Variants in TPD52 observed in about 807,000 individuals in gnomAD.
TPD52 encodes the protein tumor protein D52.
A neutral mutation model predicts 31.3 loss-of-function variants in TPD52; 17 were observed. The observed-to-expected ratio is 0.54, with a 90% confidence interval of 0.37 to 0.82. The LOEUF (loss-of-function observed/expected upper bound fraction) is 0.82, where lower values mean the gene tolerates loss of function less well. TPD52 is among the 40% of genes least tolerant of loss of function. The probability of loss-of-function intolerance (pLI) is 0.00; values close to 1 mark genes in which losing one functional copy is unlikely to be tolerated. For missense variants in TPD52, 212 were observed against 240.1 expected (o/e 0.88, Z 0.77); for synonymous variants, 83 against 89.6 (o/e 0.93, Z 0.42).
intron 1 of TPD52, among the ~76,000 whole-genome samples, chr8:80,148,991 A>C (rs1451281010): frequency 6.6e-6 from 1 of 152,182 alleles, no homozygotes; most frequent in African/African-American, 2.4e-5. Context: ...TAAAAAGCTT[A>C]AGTTATTTAC....
At chr8:80,158,465 C>A (rs966964841) in intron 1 of TPD52, 3 of 152,298 alleles carry the variant, frequency 2.0e-5, no homozygotes, top group African/African-American at 7.2e-5. Flanking sequence ...AAGACCCCAG[C>A]CAGCGTTGCT....
intron 1 of TPD52, among the ~76,000 whole-genome samples, chr8:80,140,761 T>C (rs1223609072): frequency 6.6e-6 from 1 of 152,212 alleles, no homozygotes; most frequent in Non-Finnish European, 1.5e-5. Flanking sequence ...CACCGCACTC[T>C]AGGAAACTAT....
chr8:80,093,174 G>GAAT (rs143097494), intron 1 of TPD52, among the ~76,000 whole-genome samples: 46 of 151,792 alleles, frequency 3.0e-4, no homozygotes, highest in East Asian at 2.5e-3. Context: ...TTCGACTCTG[G>GAAT]AATAATAATA....
intron 1 of TPD52, among the ~76,000 whole-genome samples, chr8:80,162,966 C>A (rs994879038): frequency 2.1e-5 from 3 of 146,308 alleles, no homozygotes; most frequent in Non-Finnish European, 4.5e-5. Context: ...ACAAAAAAAA[C>A]GGGAAATAAC....
chr8:80,080,247 C>T, intron 1 of TPD52: 1 of 1,483,354 alleles, frequency 6.7e-7, no homozygotes, highest in South Asian at 1.2e-5. Flanking sequence ...ATTTTAAAGC[C>T]AGGCAAACCC....
At chr8:80,166,909 AAAT>A (rs1481374906) in intron 1 of TPD52, among the ~76,000 whole-genome samples, 1 of 152,170 alleles carries the variant, frequency 6.6e-6, no homozygotes, top group African/African-American at 2.4e-5. Flanking sequence ...CTGTTAAAAA[AAAT>A]AATAATAAAA....
chr8:80,153,901 A>G (rs1211317648), intron 1 of TPD52, among the ~76,000 whole-genome samples: 2 of 152,222 alleles, frequency 1.3e-5, no homozygotes, highest in East Asian at 3.8e-4. Flanking sequence ...ATCACTGTCA[A>G]ATAAAATACC....
intron 1 of TPD52, among the ~76,000 whole-genome samples, chr8:80,157,837 T>C (rs62516129): frequency 0.019 from 2,848 of 152,314 alleles, 44 homozygotes; most frequent in Middle Eastern, 0.034. Flanking sequence ...AAGTGAATTA[T>C]TGCTTACAGA....
intron 1 of TPD52, among the ~76,000 whole-genome samples, chr8:80,082,793 C>T (rs76440575): frequency 1.4e-4 from 22 of 152,330 alleles, no homozygotes; most frequent in East Asian, 1.2e-3. Flanking sequence ...GAAGGTTTGG[C>T]TCCTAATCAA....
intron 1 of TPD52, among the ~76,000 whole-genome samples, chr8:80,160,994 A>G (rs1811323779): frequency 6.6e-6 from 1 of 151,868 alleles, no homozygotes; most frequent in Non-Finnish European, 1.5e-5. Flanking sequence ...CCTGGGAGGC[A>G]GAAGTTGCAG....
At chr8:80,070,187 T>G (rs1009919092) in intron 1 of TPD52, among the ~76,000 whole-genome samples, 2 of 152,116 alleles carry the variant, frequency 1.3e-5, no homozygotes, top group Non-Finnish European at 2.9e-5. Context: ...CGCCTCTCTC[T>G]GCTTGGGTGC....
rs1364679410 is a variant in TPD52 at position 80,037,853 on chromosome 8, G to C, written c.*263C>G. On this transcript the variant is annotated 3_prime_UTR_variant, in exon 8 of 8. Transcript: ENST00000518937. Reference sequence around the variant, plus strand: ...ATCTGTAGCTTCTTAGATCATTATAGTGAATGTCCCCATTTACTATAAGTG... The same window carrying C: ...ATCTGTAGCTTCTTAGATCATTATACTGAATGTCCCCATTTACTATAAGTG... 1.5e-5 allele frequency: 5 copies of C among 327,322 alleles called. No homozygotes were observed. Among genetic ancestry groups the C allele is most frequent in the Non-Finnish European group, 2.2e-5 (4 of 180,210 alleles). The allele number at this position is 327,322 out of a possible 1,614,324, so 20.3% of individuals were successfully genotyped here. A position where few individuals can be genotyped will look rare whatever the true frequency, so the allele number is the denominator to read the frequency against.
chr8:80,154,901 A>T (rs911862038), intron 1 of TPD52, among the ~76,000 whole-genome samples: 1 of 152,020 alleles, frequency 6.6e-6, no homozygotes, highest in Non-Finnish European at 1.5e-5. Flanking sequence ...GTATATGATG[A>T]TCTGTGATGA....
chr8:80,037,936 C>A lies in TPD52; in HGVS notation c.*180G>T. 1.4e-6 allele frequency: 1 copy of A among 737,540 alleles called. No individual in the cohort carries two copies. The allele number at this position is 737,540 out of a possible 1,614,324, so 45.7% of individuals were successfully genotyped here. On this transcript the variant is annotated 3_prime_UTR_variant, in exon 8 of 8. Transcript: ENST00000518937. The stretch of plus-strand genomic sequence containing the variant: ...ATAAATGTACACTAAAGGGTGTTTC[C>A]CAAGAATAGAGGTGAAGATATTTTC...
At chr8:80,080,216 TG>T in intron 1 of TPD52, 1 of 1,063,458 alleles carries the variant, frequency 9.4e-7, no homozygotes, top group Non-Finnish European at 1.4e-6. Flanking sequence ...AACACCACCC[TG>T]GTACATCTTT....
chr8:80,080,217 G>T, intron 1 of TPD52: 1 of 1,074,056 alleles, frequency 9.3e-7, no homozygotes, highest in East Asian at 2.5e-5. Context: ...ACACCACCCT[G>T]GTACATCTTT....
At chr8:80,126,477 T>C (rs1489485523) in intron 1 of TPD52, among the ~76,000 whole-genome samples, 1 of 134,898 alleles carries the variant, frequency 7.4e-6, no homozygotes, top group Non-Finnish European at 1.6e-5. Context: ...TAAAAGTTTA[T>C]AATTTTTTTT....
At chr8:80,124,787 G>C (rs111372349) in intron 1 of TPD52, among the ~76,000 whole-genome samples, 384 of 151,984 alleles carry the variant, frequency 2.5e-3, no homozygotes, top group African/African-American at 8.9e-3. Flanking sequence ...TCTGATCCCA[G>C]GACCATTTGA....
Position 80,051,539 on chromosome 8 carries a change from A to G in TPD52, c.374T>C (p.Leu125Pro). 6.2e-7 allele frequency: 1 copy of G among 1,613,790 alleles called. No homozygotes were observed. Among genetic ancestry groups the G allele is most frequent in the Non-Finnish European group, 8.5e-7 (1 of 1,179,748 alleles). The change falls in exon 4 of 8, where the codon CTG becomes CCG. Residue 125 changes from leucine (L) to proline (P), a missense_variant. By Grantham distance (98) the Leu-to-Pro change is moderately conservative. Coordinates refer to ENST00000518937, the MANE Select transcript of TPD52 (RefSeq NM_001025253.3). ...AATGAGGACATACTTTACATCTTCCAGCTTTTTGGTGATGACTGAGCCAAC... is the reference window on the plus strand; with the variant it reads ...AATGAGGACATACTTTACATCTTCCGGCTTTTTGGTGATGACTGAGCCAAC... ...SSVGSVITKK[L>P]EDVKLQAFSH... is the part of the protein sequence containing the mutation.
Sources: gnomAD v4.1 joint callset for allele counts (sites outside exome capture counted in the v4.1 genomes callset) on GRCh38, gnomAD v4.1.1 for gene constraint, MANE v1.5 for transcripts, NCBI Gene and HGNC (gene_info 2026-07-23, HGNC 2026-07-21) for gene names.